The following ANK1 variants were observed in gnomAD, a reference collection of about 807,000 sequenced individuals.
ANK1 encodes the protein ankyrin 1.
In ANK1, 51 loss-of-function variants were observed where a neutral mutation model predicts 210.4. The observed-to-expected ratio is 0.24, with a 90% CI of 0.19 to 0.31. The LOEUF (loss-of-function observed/expected upper bound fraction) is 0.31, where lower values mean the gene tolerates loss of function less well. Among genes scored for constraint, ANK1 ranks in the 10% least tolerant of loss-of-function variants. ANK1 has a pLI of 1.00. For missense variants in ANK1, 2,051 were observed against 2,504.4 expected, an observed-to-expected ratio of 0.82 and a Z score of 3.86; for synonymous variants, 967 against 1,025.9, an observed-to-expected ratio of 0.94 and a Z score of 1.10.
intron 1 of ANK1, among the ~76,000 whole-genome samples, chr8:41,835,884 C>T (rs372786529): frequency 3.3e-5 from 5 of 152,210 alleles, no homozygotes; most frequent in African/African-American, 7.2e-5. Flanking sequence ...CCTGCAGTGT[C>T]GCCCCGCCTG....
intron 10 of ANK1, among the ~76,000 whole-genome samples, chr8:41,719,428 G>A (rs761235481): frequency 6.6e-6 from 1 of 152,132 alleles, no homozygotes; most frequent in Non-Finnish European, 1.5e-5. Context: ...CCCTGACCTC[G>A]GCCTGGTCAC....
At chr8:41,793,363 C>T (rs1028283885) in intron 1 of ANK1, among the ~76,000 whole-genome samples, 1 of 152,092 alleles carries the variant, frequency 6.6e-6, no homozygotes, top group Non-Finnish European at 1.5e-5. Context: ...CTGGGCAATA[C>T]AGTGAGACCC....
intron 2 of ANK1, among the ~76,000 whole-genome samples, chr8:41,750,762 ACAGG>A (rs1457471183): frequency 6.6e-6 from 1 of 152,200 alleles, no homozygotes; most frequent in African/African-American, 2.4e-5. Flanking sequence ...GAAAAATGAG[ACAGG>A]CAAAGAGGAC....
chr8:41,797,684 T>C (rs1270493282), upstream of ANK1: 49 of 1,294,028 alleles, frequency 3.8e-5, no homozygotes, highest in Non-Finnish European at 4.9e-5. The surrounding 1 kb of genome is among the most constrained non-coding windows in gnomAD (Gnocchi z 4.0). Context: ...AGGCGCTTGC[T>C]GTCGGGCCGG....
intron 1 of ANK1, among the ~76,000 whole-genome samples, chr8:41,876,179 G>A (rs925025360): frequency 2.0e-5 from 3 of 152,128 alleles, no homozygotes; most frequent in African/African-American, 7.2e-5. Flanking sequence ...GCGCTCCCCA[G>A]GCGGGCGCGG....
chr8:41,797,759 C>T, upstream of ANK1: 1 of 585,014 alleles, frequency 1.7e-6, no homozygotes. The surrounding 1 kb of genome is among the most constrained non-coding windows in gnomAD (Gnocchi z 4.0). Flanking sequence ...ACAAGAGCAC[C>T]TCCTCCCCCA....
chr8:41,701,975 T>C, intron 21 of ANK1, 77 bp downstream of exon 21: 1 of 1,488,348 alleles, frequency 6.7e-7, no homozygotes, highest in Non-Finnish European at 9.4e-7. Flanking sequence ...CGCACCCCAC[T>C]TCCAGAGTAA....
At chr8:41,667,323 A>C (rs1810886740) in intron 39 of ANK1, among the ~76,000 whole-genome samples, 1 of 152,214 alleles carries the variant, frequency 6.6e-6, no homozygotes, top group African/African-American at 2.4e-5. Context: ...GGAAAGAAAG[A>C]GAGGAAGGAG....
chr8:41,719,754 G>A lies in ANK1; in HGVS notation c.1014C>T (p.His338=), dbSNP rs777271974. ...GGGCAGCCACGTGGAGTGGGGTCAGGTGGTCCAGGGTGATGTCGTCTATCT... is the reference window on the plus strand; with the variant it reads ...GGGCAGCCACGTGGAGTGGGGTCAGATGGTCCAGGGTGATGTCGTCTATCT... ...DAEIDDITLD[H]LTPLHVAAHC... is the part of the protein sequence containing the mutation. The change falls in exon 10 of 43, where the codon CAC becomes CAT. Residue 338 remains histidine, a synonymous_variant. Transcript: ENST00000289734. 8.1e-6 allele frequency: 13 copies of A among 1,614,104 alleles called. No individual in the cohort carries two copies. Among genetic ancestry groups the A allele is most frequent in the Non-Finnish European group, 1.1e-5 (13 of 1,180,044 alleles).
intron 1 of ANK1, among the ~76,000 whole-genome samples, chr8:41,763,482 AG>A (rs977594585): frequency 6.6e-5 from 10 of 152,212 alleles, no homozygotes; most frequent in African/African-American, 2.2e-4. Context: ...CAAGTTCTGC[AG>A]ATAAATACTT....
At chr8:41,895,415 G>A (rs1563981203) in intron 1 of ANK1, among the ~76,000 whole-genome samples, 1 of 152,254 alleles carries the variant, frequency 6.6e-6, no homozygotes, top group East Asian at 1.9e-4. Flanking sequence ...TTCTGTCACC[G>A]TCCTTTCACC....
chr8:41,699,463 C>T lies in ANK1; in HGVS notation c.2547G>A (p.Lys849=). 6.2e-7 allele frequency: 1 copy of T among 1,614,138 alleles called. No homozygotes were observed. Among genetic ancestry groups the T allele is most frequent in the South Asian group, 1.1e-5 (1 of 91,088 alleles). ...GGAGCACTGCTCACACTTGGTCTAGCTTCGGCACAAAATCCAGCAGCTCCT... is the reference window on the plus strand; with the variant it reads ...GGAGCACTGCTCACACTTGGTCTAGTTTCGGCACAAAATCCAGCAGCTCCT... ...EEKELLDFVP[K]LDQVVESPAI... is the part of the protein sequence containing the mutation. The change falls in exon 23 of 43, where the codon AAG becomes AAA. Residue 849 remains lysine, a synonymous_variant. Coordinates refer to ENST00000289734, the MANE Select transcript of ANK1 (RefSeq NM_000037.4).
chr8:41,855,786 G>A (rs1163697314), intron 1 of ANK1, among the ~76,000 whole-genome samples: 1 of 152,094 alleles, frequency 6.6e-6, no homozygotes, highest in Non-Finnish European at 1.5e-5. Context: ...ATTAACCCAA[G>A]GGGGTAGGAC....
rs949646207 is a variant in ANK1, at chr8:41,767,543, C to T, written c.28-9406G>A. Among the ~76,000 whole-genome samples, 3 of 152,190 alleles carry T rather than the reference C, an allele frequency of 2.0e-5. No individual in the cohort carries two copies. In the East Asian group the frequency reaches 5.8e-4, roughly 29 times the overall value. ...CCCTGGCCCTGCGCTCTCCCGCCCGCCAGCCTGCCGCTAATGGGATCTCTT... is the reference window on the plus strand; with the variant it reads ...CCCTGGCCCTGCGCTCTCCCGCCCGTCAGCCTGCCGCTAATGGGATCTCTT... On this transcript the variant is annotated intron_variant, in intron 1 of 42. Transcript: ENST00000289734.
chr8:41,672,276 G>T, intron 38 of ANK1, 78 bp downstream of exon 38: 1 of 1,521,726 alleles, frequency 6.6e-7, no homozygotes, highest in Non-Finnish European at 9.0e-7. Flanking sequence ...CGACACCTCT[G>T]TCCTCACTGC....
intron 1 of ANK1, among the ~76,000 whole-genome samples, chr8:41,803,139 A>AAAGG (rs1563811624): frequency 4.2e-5 from 6 of 142,808 alleles, no homozygotes; most frequent in South Asian, 2.3e-4. Context: ...GAAAGGAAAG[A>AAAGG]AAGGAAAGAA....
At chr8:41,762,213 C>G (rs971175562) in intron 1 of ANK1, among the ~76,000 whole-genome samples, 7 of 152,306 alleles carry the variant, frequency 4.6e-5, no homozygotes, top group African/African-American at 1.4e-4. Flanking sequence ...CCTTCCTCCT[C>G]CCTGGGCCCT....
chr8:41,720,015 C>A (rs1828842394), intron 9 of ANK1, among the ~76,000 whole-genome samples, 157 bp from the exon 10 acceptor site: 2 of 152,192 alleles, frequency 1.3e-5, no homozygotes, highest in African/African-American at 4.8e-5. Context: ...CACGCTCCTG[C>A]CGGTCTCTGA....
At chr8:41,677,929 CT>C (rs1216816802) in intron 37 of ANK1, among the ~76,000 whole-genome samples, 9 of 152,056 alleles carry the variant, frequency 5.9e-5, no homozygotes, top group African/African-American at 2.2e-4. Context: ...TGATGTGAAT[CT>C]TATTTTGGTT....
Sources: allele counts gnomAD v4.1 joint callset (sites outside exome capture counted in the v4.1 genomes callset), GRCh38; gene constraint gnomAD v4.1.1; non-coding constraint Gnocchi (gnomAD v3.1); transcripts MANE v1.5; gene names NCBI Gene and HGNC (gene_info 2026-07-23, HGNC 2026-07-21).